The following PTCHD4 variants were observed in gnomAD, a reference collection of about 807,000 sequenced individuals.
PTCHD4 encodes the protein patched domain containing 4.
A neutral mutation model predicts 58.1 loss-of-function variants in PTCHD4; 33 were observed. The observed-to-expected ratio is 0.57, with a 90% CI of 0.43 to 0.76. The LOEUF (loss-of-function observed/expected upper bound fraction) is 0.76, where lower values mean the gene tolerates loss of function less well. Among genes scored for constraint, PTCHD4 ranks in the 30% least tolerant of loss-of-function variants. The pLI is 0.00. For missense variants in PTCHD4, 1,058 were observed against 1,027.1 expected, an observed-to-expected ratio of 1.03 and a Z score of -0.41; for synonymous variants, 478 against 409.6, an observed-to-expected ratio of 1.17 and a Z score of -2.02.
At chr6:48,059,158 T>C (rs1243149527) in intron 3 of PTCHD4, among the ~76,000 whole-genome samples, 1 of 152,062 alleles carries the variant, frequency 6.6e-6, no homozygotes, top group East Asian at 1.9e-4. Context: ...ACCATCAGTG[T>C]CACTCGGGAG....
chr6:47,997,474 C>T (rs1768540292), intron 4 of PTCHD4, among the ~76,000 whole-genome samples: 1 of 152,044 alleles, frequency 6.6e-6, no homozygotes, highest in African/African-American at 2.4e-5. Flanking sequence ...TAGAATGTTA[C>T]ACCTAAAAGG....
chr6:47,894,939 C>T (rs890440503), intron 4 of PTCHD4, among the ~76,000 whole-genome samples: 3 of 152,082 alleles, frequency 2.0e-5, no homozygotes, highest in African/African-American at 7.2e-5. Flanking sequence ...TAAGTCCACC[C>T]TGGCCAACAT....
chr6:48,068,661 A>C lies in PTCHD4; in HGVS notation c.6-20T>G. On this transcript the variant is annotated intron_variant, in intron 2 of 4. Transcript: ENST00000339488. This position sits in a 1 kb window ranked among gnomAD's most constrained non-coding sequence, Gnocchi z 4.2. ...GGCCGTCTTAAAAAGCACATGTGAC[A>C]TGTGTAAGCGCCGGGCTACCCCGTT... 6.5e-7 allele frequency: 1 copy of C among 1,530,500 alleles called. No homozygotes were observed. Among genetic ancestry groups the C allele is most frequent in the Non-Finnish European group, 8.7e-7 (1 of 1,143,360 alleles). 94.8% of individuals were successfully genotyped at this position (1,530,500 alleles called of 1,614,324 possible).
At chr6:48,044,870 A>T (rs974970760) in intron 3 of PTCHD4, among the ~76,000 whole-genome samples, 6 of 151,870 alleles carry the variant, frequency 4.0e-5, no homozygotes, top group African/African-American at 1.2e-4. Flanking sequence ...TTGAACTTCA[A>T]TGGAATAGCA....
chr6:48,003,531 C>T lies in PTCHD4; in HGVS notation c.898+5103G>A, dbSNP rs147516904. Among the ~76,000 whole-genome samples the T allele has an allele frequency of 8.5e-3, 1,292 of 152,288 alleles. 9 individuals are homozygous for T. Among genetic ancestry groups the T allele is most frequent in the Middle Eastern group, 0.024 (7 of 294 alleles). ...CTTTTTATCACCATCCCTGCTCCCA[C>T]GCTATTTCACATCACCATTATATCC... On this transcript the variant is annotated intron_variant, in intron 4 of 4. Coordinates refer to ENST00000339488, the MANE Select transcript of PTCHD4 (RefSeq NM_001384253.1).
rs538591941 is a variant in PTCHD4, at chr6:47,910,755, C to A, written c.899-30819G>T. 2.6e-5 allele frequency among the ~76,000 whole-genome samples: 4 copies of A among 151,782 alleles called. No homozygotes were observed. In the East Asian group the frequency reaches 5.8e-4, roughly 22 times the overall value. On this transcript the variant is annotated intron_variant, in intron 4 of 4. Transcript: ENST00000339488. The stretch of plus-strand genomic sequence containing the variant: ...AGTCTCTTCTCTTGGTAAGAGATAG[C>A]CATATGATTTGAAGATGTTAAGGGG...
chr6:48,074,847 A>T (rs1276442404), intron 1 of PTCHD4, among the ~76,000 whole-genome samples: 2 of 152,246 alleles, frequency 1.3e-5, no homozygotes, highest in African/African-American at 4.8e-5. Flanking sequence ...TAATCTGTTC[A>T]AATGAATTGA....
rs1211577248 is a variant in PTCHD4, at chr6:47,868,889, G to A, written c.*9414C>T. On this transcript the variant is annotated 3_prime_UTR_variant, in exon 5 of 5. Coordinates refer to ENST00000339488, the MANE Select transcript of PTCHD4 (RefSeq NM_001384253.1). Reference sequence around the variant, plus strand: ...AAATACTAAATTTGGACAGGAAAATGGCTATTGAATAAGTCCAAACATTTC... The same window carrying A: ...AAATACTAAATTTGGACAGGAAAATAGCTATTGAATAAGTCCAAACATTTC... Among the ~76,000 whole-genome samples, 3 of 151,672 alleles carry A rather than the reference G, an allele frequency of 2.0e-5. No homozygotes were observed. Among genetic ancestry groups the A allele is most frequent in the Admixed American group, 2.0e-4 (3 of 15,182 alleles).
At chr6:47,923,178 A>G (rs1204039170) in intron 4 of PTCHD4, among the ~76,000 whole-genome samples, 1 of 152,212 alleles carries the variant, frequency 6.6e-6, no homozygotes, top group Non-Finnish European at 1.5e-5. Flanking sequence ...CATAAAAATA[A>G]CATTTAAAAA....
At chr6:48,100,179 T>A (rs529989251) in intron 1 of PTCHD4, among the ~76,000 whole-genome samples, 1 of 152,308 alleles carries the variant, frequency 6.6e-6, no homozygotes, top group South Asian at 2.1e-4. Context: ...AAGTTGAAGT[T>A]TCTGTTGCAT....
chr6:48,019,452 A>G (rs1019951877), intron 3 of PTCHD4, among the ~76,000 whole-genome samples: 3 of 152,018 alleles, frequency 2.0e-5, no homozygotes, highest in African/African-American at 7.2e-5. Flanking sequence ...AAATATAAGT[A>G]CTGGCCGGGC....
chr6:47,985,462 A>G (rs1768029906), intron 4 of PTCHD4, among the ~76,000 whole-genome samples: 1 of 152,094 alleles, frequency 6.6e-6, no homozygotes, highest in African/African-American at 2.4e-5. Flanking sequence ...AGTCATTTAT[A>G]TAGACTTAAA....
intron 4 of PTCHD4, among the ~76,000 whole-genome samples, chr6:47,946,796 T>G (rs1766435408): frequency 6.6e-6 from 1 of 152,138 alleles, no homozygotes; most frequent in South Asian, 2.1e-4. Context: ...TTCAAACCTT[T>G]CCTCTCTTAG....
intron 4 of PTCHD4, among the ~76,000 whole-genome samples, chr6:47,906,290 T>C (rs892912374): frequency 6.6e-6 from 1 of 152,200 alleles, no homozygotes; most frequent in South Asian, 2.1e-4. Flanking sequence ...ACAGCTGTCA[T>C]TGCACACAGT....
At chr6:48,035,996 T>C (rs192600215) in intron 3 of PTCHD4, among the ~76,000 whole-genome samples, 1 of 152,214 alleles carries the variant, frequency 6.6e-6, no homozygotes, top group Admixed American at 6.6e-5. Context: ...AACCCTGCCT[T>C]ACATTCTTTA....
chr6:47,930,043 C>G (rs1765757821), intron 4 of PTCHD4, among the ~76,000 whole-genome samples: 1 of 152,176 alleles, frequency 6.6e-6, no homozygotes, highest in South Asian at 2.1e-4. Context: ...CTTGTTTTGA[C>G]TAGTTCTATT....
intron 4 of PTCHD4, among the ~76,000 whole-genome samples, chr6:47,908,227 A>G (rs1446090905): frequency 6.6e-6 from 1 of 152,150 alleles, no homozygotes; most frequent in Non-Finnish European, 1.5e-5. Context: ...AAAGAAAACT[A>G]GGATCTATAA....
Position 47,865,701 on chromosome 6 carries a change from A to G in PTCHD4, c.*12602T>C, listed in dbSNP as rs565232572. Among the ~76,000 whole-genome samples the G allele has an allele frequency of 6.6e-6, 1 of 151,890 alleles. No homozygotes were observed. Among genetic ancestry groups the G allele is most frequent in the South Asian group, 2.1e-4 (1 of 4,824 alleles). On this transcript the variant is annotated 3_prime_UTR_variant, in exon 5 of 5. Coordinates refer to ENST00000339488, the MANE Select transcript of PTCHD4 (RefSeq NM_001384253.1). ...TTGCTGATGACCACAACAGCCTCCT[A>G]ACTTAATTCTTTGGTTCAGGTCTCT... is the stretch of plus-strand genomic sequence containing the variant.
In PTCHD4 at chr6:48,056,935, C is replaced by G. The variant is rs143502607; in HGVS notation, c.417+11295G>C. Among the ~76,000 whole-genome samples, 129 of 152,290 alleles carry G rather than the reference C, an allele frequency of 8.5e-4. 1 individual carries two copies. Among genetic ancestry groups the G allele is most frequent in the African/African-American group, 3.0e-3 (125 of 41,556 alleles). ...TCAAATATAGCACACCCAGTTAAAT[C>G]TGAATTTCAGATAAGTAAAGAATGC... is the stretch of plus-strand genomic sequence containing the variant. On this transcript the variant is annotated intron_variant, in intron 3 of 4. Coordinates refer to ENST00000339488, the MANE Select transcript of PTCHD4 (RefSeq NM_001384253.1).
Sources: allele counts gnomAD v4.1 joint callset (sites outside exome capture counted in the v4.1 genomes callset), GRCh38; gene constraint gnomAD v4.1.1; non-coding constraint Gnocchi (gnomAD v3.1); transcripts MANE v1.5; gene names NCBI Gene and HGNC (gene_info 2026-07-23, HGNC 2026-07-21).